LRRIQ1: variants seen among roughly 807,000 people sequenced by gnomAD.
The protein encoded by LRRIQ1 is leucine rich repeats and IQ motif containing 1, also known as leucine-rich repeat- and IQ domain-containing protein 1.
LRRIQ1 carries 210 observed loss-of-function variants against 211.9 expected under a neutral mutation model. The ratio of observed to expected loss-of-function variants is 0.99; its 90% CI spans 0.89 to 1.11. LRRIQ1 has a LOEUF of 1.11. LRRIQ1 is among the 50% of genes most tolerant of loss of function. LRRIQ1 has a pLI of 0.00. For synonymous variants in LRRIQ1, 699 were observed against 650.1 expected (o/e 1.08, Z -1.14); for missense variants, 2,136 against 1,939.5 (o/e 1.10, Z -1.90).
In LRRIQ1 at chr12:85,036,604, T is replaced by C. The variant is rs563262107; in HGVS notation, c.-25+197T>C. ...AGATTTCGAGAACTCATTCAAAACT[T>C]AAAGAGATGTCTTGGCTATGTAGGG... On this transcript the variant is annotated intron_variant, in intron 1 of 26. Transcript: ENST00000393217. Among the ~76,000 whole-genome samples, 15 of 152,168 alleles carry C rather than the reference T, an allele frequency of 9.9e-5. 1 individual carries two copies. In the South Asian group the frequency reaches 1.2e-3, roughly 13 times the overall value.
At chr12:85,087,034 A>G (rs1039475322) in intron 11 of LRRIQ1, among the ~76,000 whole-genome samples, 2 of 151,776 alleles carry the variant, frequency 1.3e-5, no homozygotes, top group African/African-American at 2.4e-5. Context: ...ATGTTGGTGT[A>G]CTGCACCCAT....
At position 85,233,071 on chromosome 12, in the gene LRRIQ1, T is replaced by A. The variant is rs1895022760; in HGVS notation, c.5016+315T>A. On this transcript the variant is annotated intron_variant, in intron 26 of 26. Coordinates refer to ENST00000393217, the MANE Select transcript of LRRIQ1 (RefSeq NM_001079910.2). ...TTGGATATTTTAGAAGAGTAGAATTTGTAGGCTATAACTGGAGGAAATACC... is the reference window on the plus strand; with the variant it reads ...TTGGATATTTTAGAAGAGTAGAATTAGTAGGCTATAACTGGAGGAAATACC... 2.4e-5 allele frequency: 6 copies of A among 253,804 alleles called. No homozygotes were observed. The South Asian group carries it at 3.3e-4, about 14-fold the overall frequency. 15.7% of individuals were successfully genotyped at this position (253,804 alleles called of 1,614,324 possible).
At chr12:85,196,363 C>G (rs972988974) in intron 24 of LRRIQ1, among the ~76,000 whole-genome samples, 4 of 152,196 alleles carry the variant, frequency 2.6e-5, no homozygotes, top group African/African-American at 9.6e-5. Flanking sequence ...GAGCCCACAT[C>G]GCCAAGTCAA....
intron 19 of LRRIQ1, among the ~76,000 whole-genome samples, chr12:85,138,390 G>A (rs982118166): frequency 3.3e-5 from 5 of 151,322 alleles, no homozygotes; most frequent in Non-Finnish European, 3.0e-5. Flanking sequence ...TCTTTTCTCT[G>A]TATTTTACAA....
At chr12:85,096,268 G>T (rs931022885) in intron 11 of LRRIQ1, among the ~76,000 whole-genome samples, 1 of 152,104 alleles carries the variant, frequency 6.6e-6, no homozygotes, top group African/African-American at 2.4e-5. Flanking sequence ...GTTAATTTGA[G>T]ATTTTTCTAA....
intron 15 of LRRIQ1, among the ~76,000 whole-genome samples, chr12:85,119,636 G>T (rs1887829667): frequency 6.6e-6 from 1 of 152,146 alleles, no homozygotes; most frequent in South Asian, 2.1e-4. Flanking sequence ...AGCAACGAAT[G>T]TGAGTTTCTC....
chr12:85,127,218 TA>T (rs1888431730), intron 17 of LRRIQ1, among the ~76,000 whole-genome samples: 1 of 152,246 alleles, frequency 6.6e-6, no homozygotes, highest in Non-Finnish European at 1.5e-5. Context: ...CTGGGCAACT[TA>T]AGGAGATATG....
At chr12:85,233,704 T>G (rs1267219972) in intron 26 of LRRIQ1, among the ~76,000 whole-genome samples, 2 of 152,176 alleles carry the variant, frequency 1.3e-5, no homozygotes, top group African/African-American at 4.8e-5. Context: ...TTGGAAAATA[T>G]TTTTGGAATC....
chr12:85,090,760 T>C (rs1042816650), intron 11 of LRRIQ1, among the ~76,000 whole-genome samples: 9 of 152,200 alleles, frequency 5.9e-5, no homozygotes, highest in African/African-American at 1.7e-4. Flanking sequence ...CAGATGAGAC[T>C]TTGGACTTTT....
intron 24 of LRRIQ1, among the ~76,000 whole-genome samples, chr12:85,222,888 C>T (rs1370473751): frequency 1.3e-5 from 2 of 152,028 alleles, no homozygotes; most frequent in African/African-American, 2.4e-5. Context: ...TGCTCACTCA[C>T]GTTCAGAATG....
At chr12:85,272,419 G>C in the LRRIQ1 span, among the ~76,000 whole-genome samples, 1 of 151,934 alleles carries the variant, frequency 6.6e-6, no homozygotes, top group Admixed American at 6.6e-5. Flanking sequence ...CCCAAAAATA[G>C]CATATATGAA....
chr12:85,050,831 G>T (rs1880216017), intron 6 of LRRIQ1, among the ~76,000 whole-genome samples: 3 of 152,098 alleles, frequency 2.0e-5, no homozygotes, highest in Admixed American at 2.0e-4. Flanking sequence ...AATGATCAAA[G>T]AACTTTTCCC....
chr12:85,085,375 G>T (rs11116701), intron 11 of LRRIQ1, among the ~76,000 whole-genome samples: 33,384 of 152,148 alleles, frequency 0.22, 4,333 homozygotes, highest in Admixed American at 0.31. Flanking sequence ...AGCATAGGGG[G>T]ATCTGCCACT....
chr12:85,187,424 T>G (rs1247152683), intron 24 of LRRIQ1, among the ~76,000 whole-genome samples: 1 of 152,146 alleles, frequency 6.6e-6, no homozygotes, highest in African/African-American at 2.4e-5. Flanking sequence ...AACTTCATAT[T>G]TTAGCAGAAA....
chr12:85,048,803 T>C (rs1308484381), intron 6 of LRRIQ1, among the ~76,000 whole-genome samples: 3 of 152,154 alleles, frequency 2.0e-5, no homozygotes, highest in Non-Finnish European at 4.4e-5. Context: ...TGTTGGTTTG[T>C]ACTAAAATAC....
At chr12:85,162,662 T>A (rs2136744786) in intron 24 of LRRIQ1, 2 of 426,126 alleles carry the variant, frequency 4.7e-6, no homozygotes, top group South Asian at 3.5e-5. Flanking sequence ...CTAGAAATAG[T>A]TCAAAGTAGT....
intron 26 of LRRIQ1, 141 bp downstream of exon 26, chr12:85,232,897 T>C: frequency 1.7e-6 from 1 of 586,820 alleles, no homozygotes; most frequent in South Asian, 2.4e-5. Flanking sequence ...TATCATGTGT[T>C]AAAATAATAA....
intron 1 of LRRIQ1, 49 bp from the exon 2 acceptor site, chr12:85,038,104 G>A (rs1878400359): frequency 6.5e-6 from 8 of 1,235,838 alleles, no homozygotes; most frequent in Non-Finnish European, 8.4e-6. Context: ...ACAAATTAGA[G>A]AACACATAAT....
At chr12:85,102,957 AAAAT>A (rs1244407958) in intron 13 of LRRIQ1, among the ~76,000 whole-genome samples, 255 of 117,354 alleles carry the variant, frequency 2.2e-3, no homozygotes, top group African/African-American at 2.6e-3. Flanking sequence ...AAAAAAAAAA[AAAAT>A]ATATATATAT....
Sources: allele counts gnomAD v4.1 joint callset (sites outside exome capture counted in the v4.1 genomes callset), GRCh38; gene constraint gnomAD v4.1.1; transcripts MANE v1.5; gene names NCBI Gene and HGNC (gene_info 2026-07-23, HGNC 2026-07-21).